The following PIK3C2G variants were observed in gnomAD, a reference collection of about 807,000 sequenced individuals.
PIK3C2G encodes phosphatidylinositol-4-phosphate 3-kinase catalytic subunit type 2 gamma.
In PIK3C2G, 168 loss-of-function variants were observed where a neutral mutation model predicts 181.1. The ratio of observed to expected loss-of-function variants is 0.93; its 90% CI spans 0.82 to 1.05. The LOEUF is 1.05. Among genes scored for constraint, PIK3C2G ranks in the 50% least tolerant of loss-of-function variants. The pLI is 0.00. For missense variants in PIK3C2G, 1,869 were observed against 1,732.8 expected, an observed-to-expected ratio of 1.08 and a Z score of -1.40; for synonymous variants, 573 against 592.2, an observed-to-expected ratio of 0.97 and a Z score of 0.47.
At chr12:18,532,206 TG>T (rs1381934026) in intron 24 of PIK3C2G, among the ~76,000 whole-genome samples, 3 of 152,194 alleles carry the variant, frequency 2.0e-5, no homozygotes, top group Non-Finnish European at 4.4e-5. Context: ...TTATCTCTTT[TG>T]CTCATTTTCT....
intron 24 of PIK3C2G, among the ~76,000 whole-genome samples, chr12:18,517,069 T>G (rs1942602561): frequency 1.3e-5 from 2 of 151,236 alleles, no homozygotes; most frequent in South Asian, 4.2e-4. Context: ...ATCCCTAAGT[T>G]TTCACAATCC....
intron 1 of PIK3C2G, among the ~76,000 whole-genome samples, chr12:18,279,034 A>G (rs1432679587): frequency 1.3e-5 from 2 of 152,022 alleles, no homozygotes; most frequent in African/African-American, 4.8e-5. Context: ...AAATATTGTT[A>G]TTAATAAAAA....
chr12:18,471,910 T>C (rs974917569), intron 18 of PIK3C2G, among the ~76,000 whole-genome samples: 4 of 152,140 alleles, frequency 2.6e-5, no homozygotes, highest in African/African-American at 9.6e-5. Context: ...TGGATATTAA[T>C]TAATAATGAA....
At chr12:18,716,269 A>T in the PIK3C2G span, among the ~76,000 whole-genome samples, 1 of 152,164 alleles carries the variant, frequency 6.6e-6, no homozygotes, top group Non-Finnish European at 1.5e-5. Context: ...ACCACCAAGA[A>T]CTATATTGTG....
At chr12:18,548,295 G>A (rs950092476) in intron 26 of PIK3C2G, among the ~76,000 whole-genome samples, 1 of 152,030 alleles carries the variant, frequency 6.6e-6, no homozygotes, top group African/African-American at 2.4e-5. Context: ...TGGACTGCAA[G>A]GCCTGTGTTC....
chr12:18,451,333 T>C lies in PIK3C2G; in HGVS notation c.2504+27294T>C, dbSNP rs543525403. On this transcript the variant is annotated intron_variant, in intron 18 of 32. Coordinates refer to ENST00000538779, the MANE Select transcript of PIK3C2G (RefSeq NM_001288772.2). ...ATTCCTAGGTATTTTATTTTCTTTG[T>C]AGCAATTGCGAGTGGGAGTTCACTC... Among the ~76,000 whole-genome samples the C allele has an allele frequency of 9.4e-3, 1,438 of 152,266 alleles. 25 individuals carry two copies. Among genetic ancestry groups the C allele is most frequent in the African/African-American group, 0.033 (1,390 of 41,556 alleles).
downstream of PIK3C2G, among the ~76,000 whole-genome samples, chr12:18,651,310 T>C (rs1950507780): frequency 6.6e-6 from 1 of 152,122 alleles, no homozygotes. Flanking sequence ...CTGCCCTGCC[T>C]ACCTTGAACA....
intron 31 of PIK3C2G, among the ~76,000 whole-genome samples, chr12:18,622,004 T>C (rs1948885801): frequency 2.0e-5 from 3 of 151,880 alleles, no homozygotes; most frequent in African/African-American, 7.2e-5. Context: ...TAATACAACG[T>C]GGAATGATTA....
chr12:18,270,111 C>T (rs1452339445), intron 1 of PIK3C2G, among the ~76,000 whole-genome samples: 4 of 151,626 alleles, frequency 2.6e-5, no homozygotes, highest in South Asian at 2.1e-4. Context: ...GGTTTCACCA[C>T]GTTCGTCAGG....
intron 18 of PIK3C2G, among the ~76,000 whole-genome samples, chr12:18,452,506 A>T (rs879618533): frequency 1.6e-4 from 18 of 110,902 alleles, no homozygotes; most frequent in South Asian, 5.0e-4. Context: ...TCTTTTTTTA[A>T]AAAAAAACAG....
chr12:18,539,711 AT>A (rs1944050482), intron 25 of PIK3C2G, among the ~76,000 whole-genome samples: 1 of 151,846 alleles, frequency 6.6e-6, no homozygotes, highest in African/African-American at 2.4e-5. Context: ...TTTGATTTGG[AT>A]TCTTGTTTTA....
At chr12:18,500,490 C>T (rs1042193128) in intron 22 of PIK3C2G, among the ~76,000 whole-genome samples, 1 of 152,200 alleles carries the variant, frequency 6.6e-6, no homozygotes, top group Admixed American at 6.5e-5. Context: ...TGCTCCACGG[C>T]GCCCAGTCCC....
At chr12:18,449,590 G>A (rs944923061) in intron 18 of PIK3C2G, among the ~76,000 whole-genome samples, 2 of 152,008 alleles carry the variant, frequency 1.3e-5, no homozygotes, top group Non-Finnish European at 2.9e-5. Context: ...TGAGAATGAT[G>A]GTTTCCAGCT....
At chr12:18,622,522 G>C (rs1436328728) in intron 31 of PIK3C2G, among the ~76,000 whole-genome samples, 2 of 151,914 alleles carry the variant, frequency 1.3e-5, no homozygotes, top group Non-Finnish European at 2.9e-5. Flanking sequence ...AAATATGGCA[G>C]TGCAGACATC....
the PIK3C2G span, among the ~76,000 whole-genome samples, chr12:18,668,537 T>A: frequency 1.3e-5 from 2 of 152,152 alleles, no homozygotes; most frequent in Non-Finnish European, 2.9e-5. Flanking sequence ...GCAACCCTAG[T>A]GCCCTTTGCC....
intron 11 of PIK3C2G, among the ~76,000 whole-genome samples, chr12:18,355,559 C>T (rs568679719): frequency 2.6e-5 from 4 of 152,202 alleles, no homozygotes; most frequent in Middle Eastern, 3.4e-3. Context: ...ACTGGCCAGC[C>T]GGCTGCACGG....
At chr12:18,450,704 T>C (rs970467733) in intron 18 of PIK3C2G, among the ~76,000 whole-genome samples, 3 of 152,212 alleles carry the variant, frequency 2.0e-5, no homozygotes, top group Non-Finnish European at 2.9e-5. Flanking sequence ...CTAGGGTTTT[T>C]ATGGTTTTAG....
intron 24 of PIK3C2G, among the ~76,000 whole-genome samples, chr12:18,526,008 C>T (rs745791747): frequency 6.6e-6 from 1 of 152,012 alleles, no homozygotes; most frequent in Non-Finnish European, 1.5e-5. Context: ...ACAAAAATTC[C>T]CTGTGTTTAT....
intron 18 of PIK3C2G, among the ~76,000 whole-genome samples, chr12:18,443,494 C>T (rs1466742657): frequency 1.2e-4 from 18 of 151,580 alleles, no homozygotes; most frequent in Non-Finnish European, 1.5e-5. Flanking sequence ...AATGAAAAAC[C>T]ACTTCTTTTG....
Sources: gnomAD v4.1 joint callset for allele counts (sites outside exome capture counted in the v4.1 genomes callset) on GRCh38, gnomAD v4.1.1 for gene constraint, MANE v1.5 for transcripts, NCBI Gene and HGNC (gene_info 2026-07-23, HGNC 2026-07-21) for gene names.